ANK2: variants seen among roughly 807,000 people sequenced by gnomAD.
ANK2 encodes ankyrin 2, also known as ankyrin-2.
In ANK2, 83 loss-of-function variants were observed where a neutral mutation model predicts 360.5. The observed-to-expected ratio is 0.23, with a 90% CI of 0.19 to 0.28. ANK2 has a LOEUF of 0.28. ANK2 is among the 10% of genes least tolerant of loss of function. ANK2 has a pLI of 1.00. For synonymous variants in ANK2, 1,740 were observed against 1,759.5 expected, an observed-to-expected ratio of 0.99 and a Z score of 0.28; for missense variants, 4,201 against 4,795.7, an observed-to-expected ratio of 0.88 and a Z score of 3.66.
the ANK2 span, among the ~76,000 whole-genome samples, chr4:112,774,471 A>G: frequency 1.3e-5 from 2 of 152,174 alleles, no homozygotes; most frequent in African/African-American, 4.8e-5. Context: ...GCTTGCAGTG[A>G]GCCGAGATCG....
intron 2 of ANK2, among the ~76,000 whole-genome samples, chr4:112,912,183 A>G (rs1363240453): frequency 6.6e-6 from 1 of 152,072 alleles, no homozygotes; most frequent in Non-Finnish European, 1.5e-5. Flanking sequence ...TTTCAAAAAA[A>G]AAAAAAAAGA....
chr4:113,256,753 A>G (rs2049622457), intron 11 of ANK2, among the ~76,000 whole-genome samples: 1 of 152,232 alleles, frequency 6.6e-6, no homozygotes, highest in African/African-American at 2.4e-5. Flanking sequence ...CTGAGAGACC[A>G]TCATTAGAAT....
At position 113,163,673 on chromosome 4, in the gene ANK2, A is replaced by T. The variant is rs993079195; in HGVS notation, c.85-10743A>T. 2.0e-5 allele frequency among the ~76,000 whole-genome samples: 3 copies of T among 147,280 alleles called. No homozygotes were observed. In the Admixed American group the frequency reaches 2.1e-4, roughly 10 times the overall value. On this transcript the variant is annotated intron_variant, in intron 1 of 45. Transcript: ENST00000357077. ...CAGCTACTCCACAGGCTGAGGCAGG[A>T]GAATCGCTTGAACCTGGGAGGCGGA...
chr4:112,995,970 A>G (rs2048363549), intron 2 of ANK2, among the ~76,000 whole-genome samples: 1 of 152,208 alleles, frequency 6.6e-6, no homozygotes, highest in Non-Finnish European at 1.5e-5. Context: ...TACCATGCCT[A>G]GCTCTTCCAA....
intron 4 of ANK2, among the ~76,000 whole-genome samples, chr4:113,228,753 C>T (rs112020929): frequency 2.5e-4 from 38 of 152,300 alleles, no homozygotes; most frequent in African/African-American, 8.7e-4. Context: ...CCTCTTTTCT[C>T]CTACTTTAGC....
rs770887625 is a variant in ANK2 at position 113,353,766 on chromosome 4, G to A, written c.5148G>A (p.Glu1716=). The change falls in exon 38 of 46, where the codon GAG becomes GAA. Residue 1716 remains glutamate (E), a synonymous_variant. Transcript: ENST00000357077. ...TAAAAGAAAAGCAGAAACAAAAAGA[G>A]GAAGGTTTACAAGCTAGTGCAGAGA... is the stretch of plus-strand genomic sequence containing the variant. The part of the protein sequence containing the change: ...RKLKEKQKQK[E]EGLQASAEKA... 2.9e-5 allele frequency: 47 copies of A among 1,613,710 alleles called. 1 individual carries two copies. In the Middle Eastern group the frequency reaches 6.6e-4, roughly 23 times the overall value.
intron 41 of ANK2, 26 bp downstream of exon 41, chr4:113,365,208 T>A (rs1393004633): frequency 1.3e-6 from 2 of 1,537,656 alleles, no homozygotes; most frequent in Non-Finnish European, 1.8e-6. Context: ...TGTATGTGTG[T>A]GTGTGTGTGT....
intron 1 of ANK2, among the ~76,000 whole-genome samples, chr4:112,847,325 G>A (rs575094751): frequency 6.6e-6 from 1 of 152,252 alleles, no homozygotes; most frequent in Non-Finnish European, 1.5e-5. Context: ...TCTCTCAGTG[G>A]TATTGTTACT....
Position 112,996,616 on chromosome 4 carries a change from G to T in ANK2, c.21+92102G>T, listed in dbSNP as rs974690669. 3.2e-4 allele frequency among the ~76,000 whole-genome samples: 49 copies of T among 151,588 alleles called. 2 individuals carry two copies. The highest frequency in any genetic ancestry group is 3.2e-3 in the Admixed American group (49 of 15,212). ...TTTTGATATTTAATTTTTAAATTTT[G>T]TGGGTACGTGGTATATTTATGGGGT... On this transcript the variant is annotated intron_variant, in intron 2 of 30. Coordinates refer to the ANK2 transcript ENST00000503271.
At chr4:113,001,134 C>A (rs575101828) in intron 2 of ANK2, among the ~76,000 whole-genome samples, 1 of 152,008 alleles carries the variant, frequency 6.6e-6, no homozygotes, top group East Asian at 1.9e-4. Context: ...GAATTTGAGA[C>A]CAGCTTGGCC....
chr4:112,774,343 G>A, the ANK2 span, among the ~76,000 whole-genome samples: 3 of 151,964 alleles, frequency 2.0e-5, no homozygotes, highest in Non-Finnish European at 4.4e-5. Context: ...TGGCTAACAC[G>A]GTGAAACCCT....
chr4:113,025,523 T>C lies in ANK2; in HGVS notation c.21+121009T>C, dbSNP rs756603160. Among the ~76,000 whole-genome samples the C allele has an allele frequency of 3.9e-5, 6 of 152,212 alleles. 2 individuals carry two copies. The South Asian group carries it at 1.2e-3, about 31-fold the overall frequency. ...TAAACTCCAAATTCCTGGCACATAA[T>C]GTTCCTTCTATTCAAAACCTTGCTA... is the stretch of plus-strand genomic sequence containing the variant. On this transcript the variant is annotated intron_variant, in intron 2 of 30. Transcript: ENST00000503271.
intron 22 of ANK2, among the ~76,000 whole-genome samples, chr4:113,300,268 C>G (rs930551038): frequency 6.6e-6 from 1 of 152,112 alleles, no homozygotes; most frequent in Admixed American, 6.6e-5. Context: ...AATTTACAAC[C>G]CTTGCCTCCA....
chr4:113,304,558 A>AT (rs1171287710), intron 23 of ANK2, among the ~76,000 whole-genome samples: 1 of 152,166 alleles, frequency 6.6e-6, no homozygotes, highest in Admixed American at 6.5e-5. Flanking sequence ...TTATATAAAT[A>AT]TTTTTCCACA....
chr4:112,929,733 C>T (rs1291108627), intron 2 of ANK2, among the ~76,000 whole-genome samples: 1 of 152,170 alleles, frequency 6.6e-6, no homozygotes, highest in East Asian at 1.9e-4. Context: ...CAGGCGCCTC[C>T]ATGGTAGTTC....
intron 1 of ANK2, among the ~76,000 whole-genome samples, chr4:113,088,732 C>T (rs1232938562): frequency 6.6e-6 from 1 of 152,050 alleles, no homozygotes; most frequent in African/African-American, 2.4e-5. Context: ...TATGAATCCA[C>T]CGAACTGTCA....
At chr4:113,002,433 A>C (rs535679277) in intron 2 of ANK2, among the ~76,000 whole-genome samples, 6 of 152,300 alleles carry the variant, frequency 3.9e-5, no homozygotes, top group South Asian at 4.1e-4. Context: ...GAAATTGGAA[A>C]TCATCATTCT....
intron 9 of ANK2, among the ~76,000 whole-genome samples, chr4:113,243,051 A>T (rs1328994593): frequency 6.6e-6 from 1 of 152,186 alleles, no homozygotes; most frequent in African/African-American, 2.4e-5. Context: ...ATAATATTTG[A>T]TAATATTACT....
chr4:112,875,468 A>G (rs1012867384), intron 1 of ANK2, among the ~76,000 whole-genome samples: 1 of 146,234 alleles, frequency 6.8e-6, no homozygotes, highest in African/African-American at 2.5e-5. Context: ...ATGTGCCACC[A>G]TGACAGGCTA....
Sources: gnomAD v4.1 joint callset for allele counts (sites outside exome capture counted in the v4.1 genomes callset) on GRCh38, gnomAD v4.1.1 for gene constraint, MANE v1.5 for transcripts, NCBI Gene and HGNC (gene_info 2026-07-23, HGNC 2026-07-21) for gene names.